The following ADGRB3 variants were observed in gnomAD, a reference collection of about 807,000 sequenced individuals.
ADGRB3 encodes brain-specific angiogenesis inhibitor 3.
Under a neutral mutation model 193.4 loss-of-function variants are expected in ADGRB3, and 37 were observed. The ratio of observed to expected loss-of-function variants is 0.19; its 90% CI spans 0.15 to 0.25. The LOEUF is 0.25. Ranked by LOEUF, ADGRB3 falls within the 10% of genes least tolerant of loss-of-function variation. ADGRB3 has a pLI of 1.00. For synonymous variants in ADGRB3, 690 were observed against 644.2 expected (o/e 1.07, Z -1.08); for missense variants, 1,637 against 1,852.9 (o/e 0.88, Z 2.14).
intron 3 of ADGRB3, among the ~76,000 whole-genome samples, chr6:68,872,389 A>C (rs1765486006): frequency 6.7e-6 from 1 of 150,062 alleles, no homozygotes; most frequent in Non-Finnish European, 1.5e-5. Context: ...TGAAGATAAA[A>C]ATTGTCAAAA....
At chr6:69,012,658 G>A (rs943695278) in intron 11 of ADGRB3, among the ~76,000 whole-genome samples, 2 of 152,036 alleles carry the variant, frequency 1.3e-5, no homozygotes, top group African/African-American at 2.4e-5. Context: ...CTTTTATAGA[G>A]GTTATGACTC....
At chr6:68,963,003 T>C (rs1474641333) in intron 8 of ADGRB3, among the ~76,000 whole-genome samples, 1 of 152,124 alleles carries the variant, frequency 6.6e-6, no homozygotes, top group Non-Finnish European at 1.5e-5. Context: ...TCTGGGTAAC[T>C]GGGGGAAACT....
At chr6:68,676,884 C>T (rs182770252) in intron 3 of ADGRB3, among the ~76,000 whole-genome samples, 1 of 152,174 alleles carries the variant, frequency 6.6e-6, no homozygotes. Context: ...TAAGCTTTTT[C>T]TAAATTCTAA....
In ADGRB3 at chr6:68,943,155, C is replaced by T. The variant is rs7767423; in HGVS notation, c.1031-675C>T. ...GAGGAAAAGCATCTTCTGGTTTCAT[C>T]GTCATTAGAAAGAGATTATCGTATT... On this transcript the variant is annotated intron_variant, in intron 5 of 31. Transcript: ENST00000370598. Among the ~76,000 whole-genome samples the T allele has an allele frequency of 6.6e-5, 10 of 152,028 alleles. No homozygotes were observed. In the East Asian group the frequency reaches 1.2e-3, roughly 18 times the overall value.
intron 3 of ADGRB3, among the ~76,000 whole-genome samples, chr6:68,827,158 C>A (rs1479732656): frequency 6.6e-6 from 1 of 151,948 alleles, no homozygotes; most frequent in African/African-American, 2.4e-5. Context: ...TGACAGAAAG[C>A]CAGAAAGGCA....
intron 20 of ADGRB3, among the ~76,000 whole-genome samples, chr6:69,293,123 A>G (rs148366617): frequency 5.1e-4 from 77 of 152,352 alleles, no homozygotes; most frequent in Non-Finnish European, 9.1e-4. Flanking sequence ...GCAAGGGGAC[A>G]AAAGAAAGCC....
intron 3 of ADGRB3, among the ~76,000 whole-genome samples, chr6:68,771,569 A>G (rs13202734): frequency 0.072 from 10,896 of 152,214 alleles, 544 homozygotes; most frequent in Middle Eastern, 0.12. Context: ...TCATACACAC[A>G]TTGTTCTAAA....
chr6:69,181,367 T>A (rs1283617), intron 17 of ADGRB3, among the ~76,000 whole-genome samples: 13,050 of 152,140 alleles, frequency 0.086, 1,498 homozygotes, highest in African/African-American at 0.25. Flanking sequence ...CTTATTTTTT[T>A]AAAAAAATAC....
intron 3 of ADGRB3, among the ~76,000 whole-genome samples, chr6:68,793,672 G>A (rs972434674): frequency 6.6e-6 from 1 of 152,078 alleles, no homozygotes; most frequent in African/African-American, 2.4e-5. Flanking sequence ...GGAAATACAG[G>A]CGCGTGCCAC....
At chr6:68,894,697 T>A in intron 3 of ADGRB3, among the ~76,000 whole-genome samples, 1 of 151,948 alleles carries the variant, frequency 6.6e-6, no homozygotes, top group East Asian at 1.9e-4. Context: ...TTTAGATAAC[T>A]CCATCAAAAC....
intron 17 of ADGRB3, among the ~76,000 whole-genome samples, chr6:69,114,355 G>A (rs1167296391): frequency 6.6e-6 from 1 of 152,226 alleles, no homozygotes; most frequent in Admixed American, 6.5e-5. Context: ...TAATGGGATT[G>A]TTTGTTTTTT....
chr6:69,141,132 G>GC (rs374226168), intron 17 of ADGRB3, among the ~76,000 whole-genome samples: 1 of 123,598 alleles, frequency 8.1e-6, no homozygotes, highest in Admixed American at 8.5e-5. Flanking sequence ...TTTTTTTGGG[G>GC]GGGGCGGTGG....
At chr6:69,252,336 TG>T (rs1766641897) in intron 20 of ADGRB3, among the ~76,000 whole-genome samples, 1 of 152,190 alleles carries the variant, frequency 6.6e-6, no homozygotes, top group Non-Finnish European at 1.5e-5. Flanking sequence ...TTTAGTTTTT[TG>T]TTACTATGAA....
intron 13 of ADGRB3, among the ~76,000 whole-genome samples, chr6:69,032,066 A>G (rs1319164106): frequency 6.6e-6 from 1 of 152,190 alleles, no homozygotes; most frequent in African/African-American, 2.4e-5. Context: ...AGATCTTCAG[A>G]GGACTTTAAC....
intron 17 of ADGRB3, among the ~76,000 whole-genome samples, chr6:69,168,388 G>A (rs758297885): frequency 7.5e-4 from 114 of 152,194 alleles, no homozygotes; most frequent in Non-Finnish European, 1.4e-3. Context: ...AACAAATAAA[G>A]TTAATTAACT....
At chr6:69,150,077 C>T (rs1444183651) in intron 17 of ADGRB3, among the ~76,000 whole-genome samples, 1 of 151,974 alleles carries the variant, frequency 6.6e-6, no homozygotes, top group Admixed American at 6.6e-5. Context: ...ACAGCACTGT[C>T]TTGCCAAATG....
At chr6:68,819,897 A>C (rs145953425) in intron 3 of ADGRB3, among the ~76,000 whole-genome samples, 272 of 152,196 alleles carry the variant, frequency 1.8e-3, no homozygotes, top group African/African-American at 6.2e-3. Flanking sequence ...ATTTCCCCGA[A>C]TATCATCAAA....
chr6:69,050,016 T>C (rs1248969320), intron 15 of ADGRB3, among the ~76,000 whole-genome samples: 2 of 152,192 alleles, frequency 1.3e-5, no homozygotes, highest in Non-Finnish European at 2.9e-5. Flanking sequence ...TTATCACTCA[T>C]AGTGACCTGT....
intron 21 of ADGRB3, among the ~76,000 whole-genome samples, chr6:69,326,932 C>T (rs1417144012): frequency 6.6e-6 from 1 of 152,042 alleles, no homozygotes; most frequent in African/African-American, 2.4e-5. Flanking sequence ...TATGGTGTGT[C>T]CTTCTGAGAT....
Sources: allele counts gnomAD v4.1 joint callset (sites outside exome capture counted in the v4.1 genomes callset), GRCh38; gene constraint gnomAD v4.1.1; transcripts MANE v1.5; gene names NCBI Gene and HGNC (gene_info 2026-07-23, HGNC 2026-07-21).